The following ROBO2 variants were observed in gnomAD, a reference collection of about 807,000 sequenced individuals.
ROBO2 encodes the protein roundabout homolog 2.
ROBO2 carries 53 observed loss-of-function variants against 160.8 expected under a neutral mutation model. The observed-to-expected ratio is 0.33, with a 90% confidence interval of 0.26 to 0.41. The LOEUF (loss-of-function observed/expected upper bound fraction) is 0.41, where lower values mean the gene tolerates loss of function less well. Among genes scored for constraint, ROBO2 ranks in the 10% least tolerant of loss-of-function variants. The pLI is 1.00. For missense variants in ROBO2, 1,577 were observed against 1,722.4 expected, an observed-to-expected ratio of 0.92 and a Z score of 1.49; for synonymous variants, 664 against 611.7, an observed-to-expected ratio of 1.09 and a Z score of -1.26.
chr3:76,931,412 G>A (rs1250062058), intron 2 of ROBO2, among the ~76,000 whole-genome samples: 1 of 152,102 alleles, frequency 6.6e-6, no homozygotes, highest in African/African-American at 2.4e-5. Context: ...CACATTTTCT[G>A]TAGGTCAAGC....
intron 2 of ROBO2, among the ~76,000 whole-genome samples, chr3:77,190,630 T>A (rs1253975582): frequency 6.6e-6 from 1 of 152,050 alleles, no homozygotes; most frequent in Non-Finnish European, 1.5e-5. Context: ...GTCTTGTGTT[T>A]TGGCTGAACA....
intron 2 of ROBO2, among the ~76,000 whole-genome samples, chr3:77,469,361 G>T (rs1482492538): frequency 2.0e-5 from 3 of 152,078 alleles, no homozygotes; most frequent in African/African-American, 7.2e-5. Flanking sequence ...GCCACCTATA[G>T]CCATGTAGTC....
At chr3:77,474,100 T>G (rs2083687897) in intron 2 of ROBO2, among the ~76,000 whole-genome samples, 1 of 152,152 alleles carries the variant, frequency 6.6e-6, no homozygotes, top group South Asian at 2.1e-4. Flanking sequence ...AAGACTGAAG[T>G]TGGACAACAA....
intron 2 of ROBO2, among the ~76,000 whole-genome samples, chr3:76,981,825 A>G (rs2060114613): frequency 6.6e-6 from 1 of 152,146 alleles, no homozygotes; most frequent in Non-Finnish European, 1.5e-5. Flanking sequence ...ATCACATGGC[A>G]AAAACAGGGG....
intron 2 of ROBO2, among the ~76,000 whole-genome samples, chr3:76,128,176 G>A (rs909894214): frequency 7.2e-5 from 11 of 152,048 alleles, no homozygotes; most frequent in South Asian, 2.1e-4. Flanking sequence ...TTACAAGCAT[G>A]AGCCACCGCA....
At chr3:76,198,204 C>A (rs897709773) in intron 2 of ROBO2, among the ~76,000 whole-genome samples, 1 of 151,518 alleles carries the variant, frequency 6.6e-6, no homozygotes, top group Non-Finnish European at 1.5e-5. Flanking sequence ...TCACACCCTC[C>A]TCCCTCAGAA....
chr3:75,997,887 C>A (rs537203792), intron 2 of ROBO2, among the ~76,000 whole-genome samples: 1 of 152,196 alleles, frequency 6.6e-6, no homozygotes, highest in East Asian at 1.9e-4. Context: ...TACCCAGTAA[C>A]CAATATCTGT....
At chr3:77,529,413 C>A (rs771309973) in intron 6 of ROBO2, among the ~76,000 whole-genome samples, 1 of 151,486 alleles carries the variant, frequency 6.6e-6, no homozygotes, top group African/African-American at 2.4e-5. Context: ...GGTTTTGCAT[C>A]GGCAGCAGTT....
At chr3:76,759,637 G>A (rs1274617452) in intron 2 of ROBO2, among the ~76,000 whole-genome samples, 1 of 150,094 alleles carries the variant, frequency 6.7e-6, no homozygotes, top group Non-Finnish European at 1.5e-5. Flanking sequence ...AAAAGTACAT[G>A]GAATTTCAGA....
At chr3:76,913,687 C>T (rs1486270730) in intron 2 of ROBO2, among the ~76,000 whole-genome samples, 1 of 152,196 alleles carries the variant, frequency 6.6e-6, no homozygotes, top group Non-Finnish European at 1.5e-5. Context: ...TACTACAATT[C>T]AGCCACTTTT....
intron 1 of ROBO2, among the ~76,000 whole-genome samples, chr3:77,096,288 A>G (rs1196070974): frequency 6.6e-6 from 1 of 152,150 alleles, no homozygotes; most frequent in East Asian, 1.9e-4. Flanking sequence ...GATTCCTCTC[A>G]GCATCTCCTT....
chr3:77,062,301 G>A (rs1054469400), intron 1 of ROBO2, among the ~76,000 whole-genome samples: 3 of 152,108 alleles, frequency 2.0e-5, no homozygotes, highest in African/African-American at 7.2e-5. Flanking sequence ...CCTACCAGAG[G>A]TGTTTAAACC....
At position 75,974,509 on chromosome 3, in the gene ROBO2, T is replaced by G. The variant is rs139596430; in HGVS notation, c.109+36907T>G. Among the ~76,000 whole-genome samples, 541 of 151,690 alleles carry G rather than the reference T, an allele frequency of 3.6e-3. 4 individuals carry two copies. Among genetic ancestry groups the G allele is most frequent in the African/African-American group, 0.011 (472 of 41,482 alleles). On this transcript the variant is annotated intron_variant, in intron 2 of 26. Coordinates refer to the ROBO2 transcript ENST00000487694. ...GTTTTGGGGGTTAAAATCCATTAATTAAGTAAAATTTATCAAAAATCTGTC... is the reference window on the plus strand; with the variant it reads ...GTTTTGGGGGTTAAAATCCATTAATGAAGTAAAATTTATCAAAAATCTGTC...
intron 2 of ROBO2, chr3:76,435,454 C>T (rs1559940434): frequency 1.3e-6 from 1 of 758,944 alleles, no homozygotes; most frequent in Non-Finnish European, 2.4e-6. Context: ...GTTCTTTGCC[C>T]TCCCTTCACA....
At chr3:76,509,877 C>T (rs892143204) in intron 2 of ROBO2, among the ~76,000 whole-genome samples, 2 of 152,028 alleles carry the variant, frequency 1.3e-5, no homozygotes, top group African/African-American at 4.8e-5. Context: ...AATTATACGA[C>T]GAGTAGAAAA....
intron 2 of ROBO2, among the ~76,000 whole-genome samples, chr3:76,876,210 A>G (rs2072699866): frequency 6.6e-6 from 1 of 152,228 alleles, no homozygotes; most frequent in African/African-American, 2.4e-5. Flanking sequence ...CACTTTCTCC[A>G]TGGTTTTGCT....
chr3:76,613,362 C>T (rs1452009104), intron 2 of ROBO2, among the ~76,000 whole-genome samples: 2 of 152,042 alleles, frequency 1.3e-5, no homozygotes, highest in South Asian at 2.1e-4. Context: ...ATTTCTCTCT[C>T]TCAAGGTTTA....
At chr3:76,661,101 C>A (rs960012229) in intron 2 of ROBO2, among the ~76,000 whole-genome samples, 1 of 152,116 alleles carries the variant, frequency 6.6e-6, no homozygotes, top group African/African-American at 2.4e-5. Flanking sequence ...ACCATAAAAA[C>A]CACATTATCC....
chr3:77,532,146 G>A (rs2091778154), intron 6 of ROBO2, among the ~76,000 whole-genome samples: 1 of 151,806 alleles, frequency 6.6e-6, no homozygotes, highest in Non-Finnish European at 1.5e-5. Flanking sequence ...CTAGCCTTGT[G>A]TACTTGGCAA....
Sources: allele counts gnomAD v4.1 joint callset (sites outside exome capture counted in the v4.1 genomes callset), GRCh38; gene constraint gnomAD v4.1.1; transcripts MANE v1.5; gene names NCBI Gene and HGNC (gene_info 2026-07-23, HGNC 2026-07-21).